The following SH2D5 variants were observed in gnomAD, a reference collection of about 807,000 sequenced individuals.
SH2D5 encodes SH2 domain-containing protein 5.
Under a neutral mutation model 48.2 loss-of-function variants are expected in SH2D5, and 45 were observed. The observed-to-expected ratio is 0.93, with a 90% CI of 0.73 to 1.20. The LOEUF (loss-of-function observed/expected upper bound fraction) is 1.20, where lower values mean the gene tolerates loss of function less well. Among genes scored for constraint, SH2D5 ranks in the 50% most tolerant of loss-of-function variants. The probability of loss-of-function intolerance (pLI) is 0.00; values close to 1 mark genes in which losing one functional copy is unlikely to be tolerated. For missense variants in SH2D5, 538 were observed against 584.1 expected (o/e 0.92, Z 0.81); for synonymous variants, 230 against 249.8 (o/e 0.92, Z 0.75).
intron 1 of SH2D5, chr1:20,731,156 C>G (rs2054900382): frequency 6.6e-6 from 1 of 152,450 alleles, no homozygotes; most frequent in African/African-American, 2.4e-5. Context: ...TGGTGGGGGT[C>G]CCTGCCAGTC....
intron 2 of SH2D5, 83 bp from the exon 3 acceptor site, chr1:20,727,686 A>C: frequency 1.6e-6 from 2 of 1,258,236 alleles, no homozygotes; most frequent in Non-Finnish European, 2.2e-6. Context: ...CCCCCCAAAC[A>C]CACATCTGCT....
chr1:20,724,949 C>T (rs998934750), intron 5 of SH2D5, among the ~76,000 whole-genome samples: 4 of 152,236 alleles, frequency 2.6e-5, no homozygotes, highest in African/African-American at 9.6e-5. Context: ...CTGCATGCCA[C>T]ATCAGCGCCC....
intron 9 of SH2D5, 31 bp downstream of exon 9, chr1:20,722,725 G>GCCCAGGC (rs2054710346): frequency 4.9e-6 from 7 of 1,430,414 alleles, no homozygotes; most frequent in African/African-American, 1.5e-5. Flanking sequence ...ATGCGGCAGG[G>GCCCAGGC]CCCAGGCCCC....
intron 5 of SH2D5, 124 bp from the exon 6 acceptor site, chr1:20,724,759 T>G: frequency 8.2e-7 from 1 of 1,224,508 alleles, no homozygotes; most frequent in South Asian, 1.7e-5. Flanking sequence ...CTCTTCCCAT[T>G]CTTCCTGGGA....
In SH2D5 at chr1:20,721,753, C is replaced by CG. The variant is rs1285961540; in HGVS notation, c.*38dup. 25 of 1,464,444 alleles carry CG rather than the reference C, an allele frequency of 1.7e-5. No homozygotes were observed. The highest frequency in any genetic ancestry group is 2.3e-5 in the Non-Finnish European group (25 of 1,100,850). 90.7% of individuals were successfully genotyped at this position (1,464,444 alleles called of 1,614,324 possible). On this transcript the variant is annotated 3_prime_UTR_variant, in exon 10 of 10. Transcript: ENST00000444387. ...AGAGATGCTGCTGGGGCCCAGGAGC[C>CG]GGGGTGAGGCGGGGCCTGTGGGACC...
chr1:20,723,609 G>A lies in SH2D5; in HGVS notation c.908+17C>T, dbSNP rs1489999390. 6.3e-7 allele frequency: 1 copy of A among 1,597,440 alleles called. No individual in the cohort carries two copies. Among genetic ancestry groups the A allele is most frequent in the African/African-American group, 1.3e-5 (1 of 74,678 alleles). ...CCCCAAGGGACTGGGCGTCAGGCCA[G>A]GCCAGGCCCTTCCTACCTGGAGATG... On this transcript the variant is annotated intron_variant, in intron 8 of 9. Coordinates refer to ENST00000444387, the MANE Select transcript of SH2D5 (RefSeq NM_001103161.2).
At chr1:20,727,209 T>C in intron 3 of SH2D5, 134 bp from the exon 4 acceptor site, 1 of 737,308 alleles carries the variant, frequency 1.4e-6, no homozygotes, top group South Asian at 2.0e-5. Context: ...CCCTGGCTGG[T>C]GGACCCCCCT....
chr1:20,726,666 G>A (rs1215512378), intron 4 of SH2D5, among the ~76,000 whole-genome samples: 1 of 152,142 alleles, frequency 6.6e-6, no homozygotes, highest in Non-Finnish European at 1.5e-5. Flanking sequence ...TACCGCACCT[G>A]GGTGAAGCTG....
intron 1 of SH2D5, chr1:20,731,295 C>T (rs900037): frequency 0.14 from 21,699 of 152,500 alleles, 2,680 homozygotes; most frequent in East Asian, 0.71. Flanking sequence ...CTGCCCTGGG[C>T]CACAGGGTCG....
Position 20,724,033 on chromosome 1 carries a change from C to T in SH2D5, c.799+50G>A, listed in dbSNP as rs556718435. ...CACCTCTGGCTGGTCCAGGAGCGCA[C>T]GGGCACGTGTCCCAGGTACACACAG... On this transcript the variant is annotated intron_variant, in intron 7 of 9. Coordinates refer to ENST00000444387, the MANE Select transcript of SH2D5 (RefSeq NM_001103161.2). 6.3e-6 allele frequency: 10 copies of T among 1,583,566 alleles called. No homozygotes were observed. In the African/African-American group the frequency reaches 8.0e-5, roughly 13 times the overall value.
chr1:20,728,419 C>T lies in SH2D5; in HGVS notation c.-42-333G>A, dbSNP rs2054846916. On this transcript the variant is annotated intron_variant, in intron 1 of 9. Coordinates refer to ENST00000444387, the MANE Select transcript of SH2D5 (RefSeq NM_001103161.2). The surrounding 1 kb of genome is among the most constrained non-coding windows in gnomAD (Gnocchi z 4.3). ...GAAGCCCTCACTGAGGAGGGGAGGT[C>T]TGGGTCAAGATCTGAAGGGTGTGGC... is the stretch of plus-strand genomic sequence containing the variant. Among the ~76,000 whole-genome samples the T allele has an allele frequency of 2.0e-5, 3 of 152,114 alleles. No homozygotes were observed.
In SH2D5 at chr1:20,727,506, C is replaced by T. The variant is rs561599062; in HGVS notation, c.168+17G>A. Reference sequence around the variant, plus strand: ...GCTGTGACTTCCACTAGGGAAGTGCCCTCCCAGGCCACCCACCTTCAGCGC... The same window carrying T: ...GCTGTGACTTCCACTAGGGAAGTGCTCTCCCAGGCCACCCACCTTCAGCGC... On this transcript the variant is annotated intron_variant, in intron 3 of 9. Coordinates refer to ENST00000444387, the MANE Select transcript of SH2D5 (RefSeq NM_001103161.2). The T allele has an allele frequency of 6.3e-7, 1 of 1,587,610 alleles. No individual in the cohort carries two copies. Among genetic ancestry groups the T allele is most frequent in the Non-Finnish European group, 8.6e-7 (1 of 1,167,542 alleles).
chr1:20,731,760 G>A (rs1323327333), intron 1 of SH2D5, among the ~76,000 whole-genome samples: 1 of 152,092 alleles, frequency 6.6e-6, no homozygotes, highest in Non-Finnish European at 1.5e-5. Flanking sequence ...GCTCCAGAGT[G>A]GGCTGCCGGT....
Position 20,724,105 on chromosome 1 carries a change from C to T in SH2D5, c.777G>A (p.Leu259=). 1 of 1,611,920 alleles carries T rather than the reference C, an allele frequency of 6.2e-7. No individual in the cohort carries two copies. The change falls in exon 7 of 10, where the codon CTG becomes CTA. Residue 259 remains leucine, a synonymous_variant. Transcript: ENST00000444387. ...CACAGGCCTCCCGAGCCGACAGCTGCAGCTGGGTCTCATAGGTGCAGCCGC... is the reference window on the plus strand; with the variant it reads ...CACAGGCCTCCCGAGCCGACAGCTGTAGCTGGGTCTCATAGGTGCAGCCGC... The part of the protein sequence containing the change: ...AYRGCTYETQ[L]QLSAREAFPA...
intron 5 of SH2D5, among the ~76,000 whole-genome samples, chr1:20,725,466 C>T (rs1310384464): frequency 1.3e-5 from 2 of 152,178 alleles, no homozygotes; most frequent in Non-Finnish European, 2.9e-5. Flanking sequence ...GACCCAGACT[C>T]GGCTCTCAAA....
intron 8 of SH2D5, 104 bp from the exon 9 acceptor site, chr1:20,723,019 AAC>A (rs2054719236): frequency 1.7e-6 from 2 of 1,172,508 alleles, no homozygotes; most frequent in Non-Finnish European, 2.3e-6. Context: ...AATGCCCTTA[AAC>A]ACACGGTGCG....
rs1434171620 is a variant in SH2D5 at position 20,732,475 on chromosome 1, C to T, written c.-337G>A. On this transcript the variant is annotated 5_prime_UTR_variant, in exon 1 of 10. Transcript: ENST00000444387. The surrounding 1 kb of genome is among the most constrained non-coding windows in gnomAD (Gnocchi z 5.1). ...AAGCCTTCCACGACCACCACTCACGCTTCATTCTCTGCAGAGCCCTTGTGA... is the reference window on the plus strand; with the variant it reads ...AAGCCTTCCACGACCACCACTCACGTTTCATTCTCTGCAGAGCCCTTGTGA... The T allele has an allele frequency of 6.6e-6, 1 of 152,622 alleles. No individual in the cohort carries two copies. The highest frequency in any genetic ancestry group is 2.4e-5 in the African/African-American group (1 of 41,484). The allele number at this position is 152,622 out of a possible 1,614,324, so 9.5% of individuals were successfully genotyped here. A position where few individuals can be genotyped will look rare whatever the true frequency, so the allele number is the denominator to read the frequency against.
intron 7 of SH2D5, 43 bp from the exon 8 acceptor site, chr1:20,723,777 C>T (rs3753047): frequency 0.093 from 140,422 of 1,509,282 alleles, 9,283 homozygotes; most frequent in East Asian, 0.3. Flanking sequence ...TGGCCGAGCC[C>T]TCCCATTCCC....
rs2054856968 is a variant in SH2D5 at position 20,728,857 on chromosome 1, G to T, written c.-42-771C>A. Among the ~76,000 whole-genome samples, 1 of 152,192 alleles carries T rather than the reference G, an allele frequency of 6.6e-6. No individual in the cohort carries two copies. The highest frequency in any genetic ancestry group is 2.4e-5 in the African/African-American group (1 of 41,442). On this transcript the variant is annotated intron_variant, in intron 1 of 9. Coordinates refer to ENST00000444387, the MANE Select transcript of SH2D5 (RefSeq NM_001103161.2). The surrounding 1 kb of genome is among the most constrained non-coding windows in gnomAD (Gnocchi z 4.3). ...GGATGGCCAGAGCTGATGAGGCCAG[G>T]GACCTGCTGCATGGGACCCTGCCTC...
Sources: allele counts gnomAD v4.1 joint callset (sites outside exome capture counted in the v4.1 genomes callset), GRCh38; gene constraint gnomAD v4.1.1; non-coding constraint Gnocchi (gnomAD v3.1); transcripts MANE v1.5; gene names NCBI Gene and HGNC (gene_info 2026-07-23, HGNC 2026-07-21).